Variants in MCTP2 observed in about 807,000 individuals in gnomAD.
MCTP2 encodes multiple C2 and transmembrane domain-containing protein 2.
A neutral mutation model predicts 111.6 loss-of-function variants in MCTP2; 132 were observed. The ratio of observed to expected loss-of-function variants is 1.18; its 90% CI spans 1.03 to 1.37. The LOEUF (loss-of-function observed/expected upper bound fraction) is 1.37. MCTP2 is among the 40% of genes most tolerant of loss of function. The pLI is 0.00. For missense variants in MCTP2, 1,183 were observed against 1,067.9 expected (o/e 1.11, Z -1.50); for synonymous variants, 395 against 387.7 (o/e 1.02, Z -0.22).
At chr15:94,396,121 G>C (rs2081270592) in intron 14 of MCTP2, among the ~76,000 whole-genome samples, 1 of 152,090 alleles carries the variant, frequency 6.6e-6, no homozygotes, top group Non-Finnish European at 1.5e-5. Context: ...GTTTATCCTG[G>C]AAAACTGAAG....
rs1165895894 is a variant in MCTP2 at position 94,385,420 on chromosome 15, C to T, written c.1686-3C>T. ...TGTATAATACATGGTATTTTTGTTA[C>T]AGTCCCATTAAAGATATCCATGATG... is the stretch of plus-strand genomic sequence containing the variant. On this transcript the variant is annotated splice_region_variant and splice_polypyrimidine_tract_variant and intron_variant, in intron 13 of 22. Coordinates refer to ENST00000357742, the MANE Select transcript of MCTP2 (RefSeq NM_001385001.1). The T allele has an allele frequency of 8.8e-6, 14 of 1,594,082 alleles. No individual in the cohort carries two copies. The highest frequency in any genetic ancestry group is 1.7e-5 in the Admixed American group (1 of 59,982).
At chr15:94,303,463 C>T (rs987638654) in intron 2 of MCTP2, among the ~76,000 whole-genome samples, 3 of 152,076 alleles carry the variant, frequency 2.0e-5, no homozygotes, top group African/African-American at 4.8e-5. Context: ...AGCCCACTGA[C>T]TCAAATGTTA....
chr15:94,246,830 C>T (rs181322440), intron 1 of MCTP2, among the ~76,000 whole-genome samples: 6 of 152,226 alleles, frequency 3.9e-5, no homozygotes, highest in Admixed American at 1.3e-4. Context: ...GGAGAAAAAT[C>T]GATTTAACCT....
chr15:94,339,249 TG>T, intron 4 of MCTP2, 40 bp from the exon 5 acceptor site: 1 of 1,467,624 alleles, frequency 6.8e-7, no homozygotes, highest in South Asian at 1.2e-5. Context: ...GGCTTTTACA[TG>T]TATTTTAAAA....
chr15:94,324,022 G>C (rs16948927), intron 4 of MCTP2, among the ~76,000 whole-genome samples: 12,950 of 152,216 alleles, frequency 0.085, 1,393 homozygotes, highest in African/African-American at 0.25. Context: ...AGTAGCTCTT[G>C]GCTGTCTTAA....
chr15:94,245,648 A>G (rs1198907782), intron 1 of MCTP2, among the ~76,000 whole-genome samples: 1 of 146,524 alleles, frequency 6.8e-6, no homozygotes, highest in South Asian at 2.1e-4. Flanking sequence ...ATACATATAC[A>G]TATGTATATG....
At chr15:94,305,613 TTTC>T (rs1292118708) in intron 2 of MCTP2, among the ~76,000 whole-genome samples, 3 of 152,230 alleles carry the variant, frequency 2.0e-5, no homozygotes, top group Non-Finnish European at 4.4e-5. Flanking sequence ...AAATGTCATT[TTTC>T]TTCTTCTCCC....
chr15:94,336,548 G>A (rs2077369194), intron 4 of MCTP2, among the ~76,000 whole-genome samples: 1 of 152,170 alleles, frequency 6.6e-6, no homozygotes, highest in East Asian at 1.9e-4. Context: ...ATGCAACATC[G>A]AGGCAGACAT....
intron 1 of MCTP2, among the ~76,000 whole-genome samples, chr15:94,245,298 T>G (rs184184409): frequency 5.7e-5 from 8 of 140,904 alleles, no homozygotes; most frequent in Non-Finnish European, 9.2e-5. Flanking sequence ...ATGTATATAT[T>G]TATATACATA....
chr15:94,407,754 T>G (rs2081970638), intron 17 of MCTP2, among the ~76,000 whole-genome samples: 1 of 147,472 alleles, frequency 6.8e-6, no homozygotes, highest in South Asian at 2.2e-4. Flanking sequence ...GAGCCAACCC[T>G]TCCAACACAC....
At chr15:94,274,299 C>T (rs2074068727) in intron 1 of MCTP2, among the ~76,000 whole-genome samples, 1 of 151,988 alleles carries the variant, frequency 6.6e-6, no homozygotes, top group African/African-American at 2.4e-5. Context: ...ACATCAAATG[C>T]ATAAACAAGC....
intron 4 of MCTP2, among the ~76,000 whole-genome samples, chr15:94,331,921 T>C (rs2077150783): frequency 6.6e-6 from 1 of 152,178 alleles, no homozygotes; most frequent in African/African-American, 2.4e-5. Flanking sequence ...AACTGTTCTG[T>C]GGTTGGTATC....
At chr15:94,296,455 A>G (rs2075281595) in intron 1 of MCTP2, among the ~76,000 whole-genome samples, 1 of 152,198 alleles carries the variant, frequency 6.6e-6, no homozygotes, top group Non-Finnish European at 1.5e-5. Context: ...CTAGATACCA[A>G]AGCACTTTCT....
At chr15:94,472,663 GTTTTACA>G (rs1039036779) in intron 21 of MCTP2, among the ~76,000 whole-genome samples, 46 of 152,266 alleles carry the variant, frequency 3.0e-4, no homozygotes, top group African/African-American at 1.1e-3. Flanking sequence ...TGGTTCTTCA[GTTTTACA>G]TTTTAAACAG....
intron 1 of MCTP2, among the ~76,000 whole-genome samples, chr15:94,245,512 A>T (rs62641044): frequency 1.4e-5 from 2 of 138,508 alleles, no homozygotes; most frequent in Non-Finnish European, 3.1e-5. Flanking sequence ...ATATGTATAC[A>T]TATATGTATA....
At chr15:94,238,488 T>A (rs1463811438) in intron 1 of MCTP2, among the ~76,000 whole-genome samples, 1 of 152,134 alleles carries the variant, frequency 6.6e-6, no homozygotes, top group Admixed American at 6.6e-5. Flanking sequence ...AAGGCTTTTT[T>A]AAAACTGCTA....
intron 17 of MCTP2, chr15:94,402,664 C>A: frequency 6.6e-7 from 1 of 1,522,016 alleles, no homozygotes; most frequent in East Asian, 2.5e-5. Context: ...TGGCCTCATG[C>A]CTTCACTTTA....
chr15:94,256,899 A>T (rs544213367), intron 1 of MCTP2, among the ~76,000 whole-genome samples: 3 of 152,192 alleles, frequency 2.0e-5, no homozygotes, highest in Non-Finnish European at 4.4e-5. Context: ...CATATTCCAC[A>T]CAGCAGACAC....
chr15:94,362,869 G>A (rs1246728913), intron 10 of MCTP2, among the ~76,000 whole-genome samples: 2 of 152,184 alleles, frequency 1.3e-5, no homozygotes, highest in African/African-American at 4.8e-5. Flanking sequence ...AGACAAGAAT[G>A]GGAGGTCAGA....
Sources: allele counts gnomAD v4.1 joint callset (sites outside exome capture counted in the v4.1 genomes callset), GRCh38; gene constraint gnomAD v4.1.1; transcripts MANE v1.5; gene names NCBI Gene and HGNC (gene_info 2026-07-23, HGNC 2026-07-21).